WDPCP: variants seen among roughly 807,000 people sequenced by gnomAD.
WDPCP encodes the protein WD repeat containing planar cell polarity effector, also known as WD repeat-containing and planar cell polarity effector protein fritz homolog.
WDPCP carries 71 observed loss-of-function variants against 93.1 expected under a neutral mutation model. That is an observed-to-expected ratio of 0.76 (90% CI 0.63 to 0.93). The LOEUF is 0.93. WDPCP is among the 40% of genes least tolerant of loss of function. The probability of loss-of-function intolerance (pLI) is 0.00; values close to 1 mark genes in which losing one functional copy is unlikely to be tolerated. For missense variants in WDPCP, 844 were observed against 887.4 expected, an observed-to-expected ratio of 0.95 and a Z score of 0.62; for synonymous variants, 315 against 315.0, an observed-to-expected ratio of 1.00 and a Z score of 0.00.
upstream of WDPCP, among the ~76,000 whole-genome samples, chr2:63,828,679 T>C (rs1270482114): frequency 6.6e-6 from 1 of 152,176 alleles, no homozygotes; most frequent in African/African-American, 2.4e-5. Context: ...ATCATCAAGG[T>C]TGTATTCAAG....
chr2:63,248,915 T>G (rs1245622147), intron 14 of WDPCP, among the ~76,000 whole-genome samples: 2 of 151,002 alleles, frequency 1.3e-5, no homozygotes, highest in African/African-American at 2.4e-5. Context: ...TCTTATGTGT[T>G]TTTTTTTTAA....
intron 6 of WDPCP, among the ~76,000 whole-genome samples, chr2:63,455,989 GAAATA>G (rs1698596571): frequency 6.6e-6 from 1 of 152,070 alleles, no homozygotes; most frequent in Non-Finnish European, 1.5e-5. Context: ...CTCAGACAGT[GAAATA>G]AAATGAGGAA....
At chr2:63,368,765 G>T (rs542919069) in intron 12 of WDPCP, 1 of 152,218 alleles carries the variant, frequency 6.6e-6, no homozygotes, top group African/African-American at 2.4e-5. Flanking sequence ...GATTATTAAG[G>T]TTGTGTCTAC....
intron 3 of WDPCP, among the ~76,000 whole-genome samples, chr2:63,621,218 C>T (rs1709732669): frequency 6.6e-6 from 1 of 151,918 alleles, no homozygotes; most frequent in African/African-American, 2.4e-5. Flanking sequence ...TGGCTAATAA[C>T]AAACTCCTCT....
chr2:63,706,191 C>G (rs1441402346), intron 2 of WDPCP, among the ~76,000 whole-genome samples: 7 of 109,492 alleles, frequency 6.4e-5, no homozygotes, highest in Non-Finnish European at 2.5e-5. Context: ...CTACGTGTGT[C>G]TCTGCACGTG....
intron 10 of WDPCP, among the ~76,000 whole-genome samples, chr2:63,392,574 G>C (rs1197334224): frequency 6.6e-6 from 1 of 152,116 alleles, no homozygotes; most frequent in Non-Finnish European, 1.5e-5. Context: ...CACAGCAAAA[G>C]AAACTACCAT....
intron 13 of WDPCP, among the ~76,000 whole-genome samples, chr2:63,294,195 C>G (rs1044748842): frequency 1.3e-5 from 2 of 152,154 alleles, no homozygotes; most frequent in African/African-American, 4.8e-5. Context: ...GGTAAGAAAG[C>G]ACTGGGCTGA....
chr2:63,208,027 AT>A (rs1381945839), intron 14 of WDPCP, among the ~76,000 whole-genome samples: 3 of 151,932 alleles, frequency 2.0e-5, no homozygotes, highest in African/African-American at 7.2e-5. Flanking sequence ...TTCTAACATG[AT>A]TTTTTTGTTT....
chr2:63,609,834 T>G (rs1438049286), intron 3 of WDPCP, among the ~76,000 whole-genome samples: 2 of 152,214 alleles, frequency 1.3e-5, no homozygotes, highest in Non-Finnish European at 2.9e-5. Context: ...ATCATGCCAC[T>G]GCACTTTAGT....
At chr2:63,201,616 G>A (rs995007285) in intron 14 of WDPCP, among the ~76,000 whole-genome samples, 4 of 152,104 alleles carry the variant, frequency 2.6e-5, no homozygotes, top group Non-Finnish European at 4.4e-5. Context: ...CAGGTAATCT[G>A]ATTTTTACAG....
At chr2:63,149,439 T>C (rs1252785198) in intron 17 of WDPCP, among the ~76,000 whole-genome samples, 1 of 152,176 alleles carries the variant, frequency 6.6e-6, no homozygotes, top group African/African-American at 2.4e-5. Context: ...GCAAAACTAC[T>C]CTAGGAAATA....
intron 1 of WDPCP, among the ~76,000 whole-genome samples, chr2:63,506,665 G>C (rs1318137130): frequency 6.6e-6 from 1 of 152,062 alleles, no homozygotes; most frequent in East Asian, 1.9e-4. Flanking sequence ...AAATGGCTTT[G>C]CTTAGAACTG....
chr2:63,419,599 G>C (rs962371875), intron 9 of WDPCP, among the ~76,000 whole-genome samples: 12 of 152,128 alleles, frequency 7.9e-5, no homozygotes, highest in Non-Finnish European at 1.5e-4. Context: ...TGATCCAAAT[G>C]CCATCAAAGA....
At chr2:63,262,538 CCAA>C (rs1221371760) in intron 13 of WDPCP, among the ~76,000 whole-genome samples, 4 of 41,534 alleles carry the variant, frequency 9.6e-5, no homozygotes, top group Non-Finnish European at 7.3e-5. Flanking sequence ...ACCATATAAG[CCAA>C]AAAAAAAAAA....
At chr2:63,519,841 A>G (rs762125569) in intron 1 of WDPCP, among the ~76,000 whole-genome samples, 4 of 152,230 alleles carry the variant, frequency 2.6e-5, no homozygotes, top group Non-Finnish European at 5.9e-5. Context: ...CTTACCTCCA[A>G]ATCATCATAC....
Position 63,358,279 on chromosome 2 carries a change from A to G in WDPCP, c.1748+20107T>C, listed in dbSNP as rs80100852. On this transcript the variant is annotated intron_variant, in intron 12 of 17. Coordinates refer to ENST00000272321, the MANE Select transcript of WDPCP (RefSeq NM_015910.7). ...AAATCATGGTTGTATTTGCATTCTT[A>G]TAATATTTCAGTCCTGTTACTATAT... 3.9e-4 allele frequency among the ~76,000 whole-genome samples: 59 copies of G among 152,262 alleles called. 1 individual carries two copies. In the East Asian group the frequency reaches 0.011, roughly 28 times the overall value.
At chr2:63,718,371 C>A (rs1669367873) in intron 2 of WDPCP, among the ~76,000 whole-genome samples, 1 of 152,132 alleles carries the variant, frequency 6.6e-6, no homozygotes, top group South Asian at 2.1e-4. Context: ...TATGTTCTTA[C>A]CAACAATGTA....
intron 3 of WDPCP, among the ~76,000 whole-genome samples, chr2:63,641,289 G>A (rs962876269): frequency 6.6e-6 from 1 of 152,170 alleles, no homozygotes; most frequent in Admixed American, 6.5e-5. Context: ...TGAGAGTGCA[G>A]ATATCTCTTC....
intron 14 of WDPCP, among the ~76,000 whole-genome samples, chr2:63,254,297 G>T (rs186011500): frequency 8.5e-5 from 13 of 152,146 alleles, no homozygotes; most frequent in Admixed American, 3.3e-4. Flanking sequence ...GGGTGATGGG[G>T]ATCATTCATA....
Sources: allele counts gnomAD v4.1 joint callset (sites outside exome capture counted in the v4.1 genomes callset), GRCh38; gene constraint gnomAD v4.1.1; transcripts MANE v1.5; gene names NCBI Gene and HGNC (gene_info 2026-07-23, HGNC 2026-07-21).